The following RRM2 variants were observed in gnomAD, a reference collection of about 807,000 sequenced individuals.
The protein encoded by RRM2 is ribonucleoside-diphosphate reductase subunit M2.
RRM2 carries 6 observed loss-of-function variants against 45.9 expected under a neutral mutation model. The ratio of observed to expected loss-of-function variants is 0.13; its 90% CI spans 0.07 to 0.26. The LOEUF (loss-of-function observed/expected upper bound fraction) is 0.26, where lower values mean the gene tolerates loss of function less well. Ranked by LOEUF, RRM2 falls within the 10% of genes least tolerant of loss-of-function variation. The pLI, the probability that RRM2 is intolerant of heterozygous loss-of-function variation, is 1.00. For synonymous variants in RRM2, 177 were observed against 173.0 expected, an observed-to-expected ratio of 1.02 and a Z score of -0.18; for missense variants, 343 against 489.5, an observed-to-expected ratio of 0.70 and a Z score of 2.82.
At chr2:10,149,738 T>G (rs1268283447) in intron 3 of RRM2, among the ~76,000 whole-genome samples, 3 of 152,198 alleles carry the variant, frequency 2.0e-5, no homozygotes, top group Non-Finnish European at 4.4e-5. Flanking sequence ...TCATGTGCAG[T>G]CTGGTGATTC....
rs796135008 is a variant in RRM2 at position 10,126,193 on chromosome 2, GCTGCCCAAT to G, written c.570-681_570-673del. ...AAAAAAAAAAAAAAAAAAAAAAAAA[GCTGCCCAAT>G]GTCTGGTGCCCTTGGCTTCAGAACA... is the stretch of plus-strand genomic sequence containing the variant. On this transcript the variant is annotated intron_variant, in intron 5 of 9. Coordinates refer to ENST00000304567, the MANE Select transcript of RRM2 (RefSeq NM_001034.4). 2.5e-4 allele frequency among the ~76,000 whole-genome samples: 30 copies of G among 119,946 alleles called. 5 individuals are homozygous for G. The highest frequency in any genetic ancestry group is 6.9e-4 in the African/African-American group (22 of 32,046). 78.7% of individuals were successfully genotyped at this position (119,946 alleles called of 152,430 possible). A position where few individuals can be genotyped will look rare whatever the true frequency, so the allele number is the denominator to read the frequency against.
At chr2:10,123,210 C>T in intron 2 of RRM2, 153 bp downstream of exon 2, 1 of 1,281,058 alleles carries the variant, frequency 7.8e-7, no homozygotes, top group South Asian at 1.5e-5. Context: ...GCCCCTCGGC[C>T]CATTTCCCGG....
chr2:10,200,400 G>GTGCGCACAAAATATGAGGCCCACAGGGAC (rs1664524240), intron 3 of RRM2, among the ~76,000 whole-genome samples: 2 of 141,780 alleles, frequency 1.4e-5, no homozygotes, highest in Admixed American at 7.0e-5. Context: ...CACAGGGACT[G>GTGCGCACAAAATATGAGGCCCACAGGGAC]CGCGCACAAA....
chr2:10,173,880 G>A (rs1425076769), intron 3 of RRM2, among the ~76,000 whole-genome samples: 3 of 152,204 alleles, frequency 2.0e-5, no homozygotes, highest in Admixed American at 1.3e-4. Context: ...CTGGGTGGCC[G>A]AGTGGCGATT....
rs542844309 is a variant in RRM2 at position 10,193,182 on chromosome 2, C to T, written n.483-17129C>T. ...TGCTTTTTCTACCCAGCTTGGATCT[C>T]GGGGGGCTGGCCTGGATGGATTTTG... is the stretch of plus-strand genomic sequence containing the variant. On this transcript the variant is annotated intron_variant and non_coding_transcript_variant, in intron 3 of 3. Coordinates refer to the RRM2 transcript ENST00000381786. Among the ~76,000 whole-genome samples the T allele has an allele frequency of 8.5e-5, 13 of 152,288 alleles. No homozygotes were observed. In the East Asian group the frequency reaches 1.7e-3, roughly 20 times the overall value.
intron 3 of RRM2, among the ~76,000 whole-genome samples, chr2:10,147,348 T>C (rs185776065): frequency 6.6e-6 from 1 of 152,246 alleles, no homozygotes; most frequent in Admixed American, 6.5e-5. Context: ...AGTGGCACAG[T>C]TGTAGCTCAC....
intron 3 of RRM2, among the ~76,000 whole-genome samples, chr2:10,157,155 A>G (rs1663447556): frequency 6.7e-6 from 1 of 149,716 alleles, no homozygotes; most frequent in South Asian, 2.1e-4. Context: ...CGGCCTCCCG[A>G]GTAGCTGGGA....
At chr2:10,194,545 T>C (rs1053940238) in intron 3 of RRM2, among the ~76,000 whole-genome samples, 4 of 152,238 alleles carry the variant, frequency 2.6e-5, no homozygotes, top group African/African-American at 9.6e-5. Flanking sequence ...AACGGTGCAC[T>C]TCTCCGTCCT....
intron 2 of RRM2, chr2:10,142,084 G>T: frequency 1.3e-6 from 2 of 1,594,154 alleles, no homozygotes; most frequent in Non-Finnish European, 1.7e-6. Flanking sequence ...GTGGTTAGGG[G>T]AGGAAAGCAT....
At chr2:10,128,977 A>G (rs1340028726) in intron 8 of RRM2, 25 bp downstream of exon 8, 4 of 1,609,608 alleles carry the variant, frequency 2.5e-6, no homozygotes, top group African/African-American at 1.3e-5. Flanking sequence ...GAAATGGGTC[A>G]CTCAAGCTTG....
At chr2:10,138,828 C>G (rs114505441), upstream of RRM2, among the ~76,000 whole-genome samples, 462 of 152,244 alleles carry the variant, frequency 3.0e-3, 3 homozygotes, top group African/African-American at 0.011. Context: ...TGGCTCTTGG[C>G]CAGGCGTGGT....
intron 3 of RRM2, among the ~76,000 whole-genome samples, chr2:10,147,099 C>T (rs1473473128): frequency 4.6e-5 from 7 of 151,888 alleles, no homozygotes; most frequent in Non-Finnish European, 8.8e-5. Flanking sequence ...ATTACAGGCG[C>T]GCACTACCAC....
At chr2:10,123,965 C>T (rs1662726740) in intron 4 of RRM2, 113 bp downstream of exon 4, 2 of 709,180 alleles carry the variant, frequency 2.8e-6, no homozygotes, top group Non-Finnish European at 5.1e-6. Flanking sequence ...TGTGTGTAAG[C>T]TGGGTTTTAT....
In RRM2 at chr2:10,171,087, A is replaced by ATCATTATAGGCTGCGCCAC. The variant is rs1663795256; in HGVS notation, n.482+28728_482+28746dup. On this transcript the variant is annotated intron_variant and non_coding_transcript_variant, in intron 3 of 3. Coordinates refer to the RRM2 transcript ENST00000381786. The surrounding 1 kb of genome is among the most constrained non-coding windows in gnomAD (Gnocchi z 4.1). ...AGACCCAGCACAGGCTGCGCCACTC[A>ATCATTATAGGCTGCGCCAC]TCATTATAGGCTGCGCCACTCATTA... Among the ~76,000 whole-genome samples, 1 of 152,084 alleles carries ATCATTATAGGCTGCGCCAC rather than the reference A, an allele frequency of 6.6e-6. No homozygotes were observed. The highest frequency in any genetic ancestry group is 1.5e-5 in the Non-Finnish European group (1 of 68,020).
At chr2:10,199,219 A>G (rs1277858079) in intron 3 of RRM2, 4 of 129,712 alleles carry the variant, frequency 3.1e-5, no homozygotes, top group African/African-American at 8.4e-5. Context: ...TGAAACATCT[A>G]ATTTTCAGCT....
At chr2:10,161,148 C>T (rs1412731401) in intron 3 of RRM2, among the ~76,000 whole-genome samples, 1 of 152,126 alleles carries the variant, frequency 6.6e-6, no homozygotes, top group East Asian at 1.9e-4. Context: ...ACTGCAACCT[C>T]CCAGACTCAA....
intron 3 of RRM2, among the ~76,000 whole-genome samples, chr2:10,180,735 C>T (rs1572521103): frequency 6.6e-6 from 1 of 151,604 alleles, no homozygotes. Flanking sequence ...CCTCTCTGTT[C>T]CCCCTGTAAC....
chr2:10,179,490 A>G (rs1663999733), intron 3 of RRM2, among the ~76,000 whole-genome samples: 1 of 152,180 alleles, frequency 6.6e-6, no homozygotes, highest in African/African-American at 2.4e-5. Context: ...TGCTACCAGT[A>G]TTTGCCTGCT....
intron 3 of RRM2, among the ~76,000 whole-genome samples, chr2:10,203,259 C>A (rs1322798573): frequency 2.0e-5 from 3 of 152,304 alleles, no homozygotes; most frequent in East Asian, 3.9e-4. Context: ...TTTATCATAC[C>A]ATCCCAGGGG....
Sources: gnomAD v4.1 joint callset for allele counts (sites outside exome capture counted in the v4.1 genomes callset) on GRCh38, gnomAD v4.1.1 for gene constraint, Gnocchi (gnomAD v3.1) non-coding constraint, MANE v1.5 for transcripts, NCBI Gene and HGNC (gene_info 2026-07-23, HGNC 2026-07-21) for gene names.